Variants in PTPRA observed in about 807,000 individuals in gnomAD.
PTPRA encodes the protein protein tyrosine phosphatase receptor type A, also known as receptor-type tyrosine-protein phosphatase alpha.
In PTPRA, 25 loss-of-function variants were observed where a neutral mutation model predicts 104.8. The ratio of observed to expected loss-of-function variants is 0.24; its 90% confidence interval spans 0.17 to 0.33. The LOEUF is 0.33. Ranked by LOEUF, PTPRA falls within the 10% of genes least tolerant of loss-of-function variation. The probability of loss-of-function intolerance (pLI) is 1.00; values close to 1 mark genes in which losing one functional copy is unlikely to be tolerated. For synonymous variants in PTPRA, 323 were observed against 368.9 expected (o/e 0.88, Z 1.43); for missense variants, 765 against 1,015.3 (o/e 0.75, Z 3.35).
chr20:3,036,384 C>T (rs890636998), intron 22 of PTPRA, among the ~76,000 whole-genome samples: 1 of 152,228 alleles, frequency 6.6e-6, no homozygotes, highest in African/African-American at 2.4e-5. Context: ...CACTCCTTTA[C>T]TTAGAATCCT....
At chr20:2,927,461 T>G (rs537926976) in intron 2 of PTPRA, among the ~76,000 whole-genome samples, 10 of 152,316 alleles carry the variant, frequency 6.6e-5, no homozygotes, top group African/African-American at 2.4e-4. Context: ...TCTATTTGCC[T>G]GTTATTATAG....
intron 3 of PTPRA, among the ~76,000 whole-genome samples, chr20:2,956,375 G>A (rs1364834473): frequency 6.6e-6 from 1 of 152,122 alleles, no homozygotes; most frequent in African/African-American, 2.4e-5. Flanking sequence ...GAGCCTCATT[G>A]TGTGCATTTC....
intron 11 of PTPRA, among the ~76,000 whole-genome samples, chr20:3,013,353 T>G (rs1487083525): frequency 6.6e-6 from 1 of 152,034 alleles, no homozygotes; most frequent in Admixed American, 6.5e-5. Flanking sequence ...CAGGTGGGCT[T>G]CCAGCCTAGA....
At chr20:2,885,109 C>A (rs1600056999) in intron 1 of PTPRA, among the ~76,000 whole-genome samples, 1 of 152,252 alleles carries the variant, frequency 6.6e-6, no homozygotes, top group Non-Finnish European at 1.5e-5. Context: ...TTTGAGGAAC[C>A]ACTGACTTTG....
At chr20:2,914,874 T>C (rs1205912253) in intron 1 of PTPRA, among the ~76,000 whole-genome samples, 1 of 152,180 alleles carries the variant, frequency 6.6e-6, no homozygotes, top group East Asian at 1.9e-4. Context: ...GGTAAAACAT[T>C]TGAGTCGCTA....
chr20:2,909,815 G>GATAAT (rs1369090852), intron 1 of PTPRA, among the ~76,000 whole-genome samples: 3 of 115,408 alleles, frequency 2.6e-5, no homozygotes, highest in African/African-American at 3.8e-5. Flanking sequence ...TATAATATAA[G>GATAAT]ATAATATATA....
At chr20:2,927,169 A>G (rs1863535575) in intron 2 of PTPRA, among the ~76,000 whole-genome samples, 1 of 152,028 alleles carries the variant, frequency 6.6e-6, no homozygotes, top group Admixed American at 6.6e-5. Context: ...CAGCCTCCCA[A>G]AGTGCTGGGA....
At chr20:2,942,794 CATATA>C (rs1399875707) in intron 2 of PTPRA, among the ~76,000 whole-genome samples, 7 of 151,476 alleles carry the variant, frequency 4.6e-5, no homozygotes, top group South Asian at 2.1e-4. Context: ...CTTAATATGA[CATATA>C]ATATAATTAC....
chr20:3,018,060 G>T (rs931902163), intron 13 of PTPRA, 147 bp downstream of exon 13: 6 of 687,030 alleles, frequency 8.7e-6, no homozygotes, highest in Non-Finnish European at 1.5e-5. Flanking sequence ...CTTTGCTATG[G>T]CCTGGAAGCC....
chr20:3,022,369 T>G lies in PTPRA; in HGVS notation c.1328+149T>G, dbSNP rs1366076930. 2 of 1,081,802 alleles carry G rather than the reference T, an allele frequency of 1.8e-6. No individual in the cohort carries two copies. Among genetic ancestry groups the G allele is most frequent in the Non-Finnish European group, 2.6e-6 (2 of 754,912 alleles). 67.0% of individuals were successfully genotyped at this position (1,081,802 alleles called of 1,614,324 possible). ...AGCGCAACAGCCAGAGACTCCAAGT[T>G]CTAGTGCAGGGTGGAGAATATGACT... On this transcript the variant is annotated intron_variant, in intron 15 of 23. Coordinates refer to ENST00000399903, the MANE Select transcript of PTPRA (RefSeq NM_001385305.1). The surrounding 1 kb of genome is among the most constrained non-coding windows in gnomAD (Gnocchi z 4.6).
chr20:2,986,685 C>A lies in PTPRA; in HGVS notation c.443-80C>A, dbSNP rs867650116. On this transcript the variant is annotated intron_variant, in intron 6 of 23. Coordinates refer to ENST00000399903, the MANE Select transcript of PTPRA (RefSeq NM_001385305.1). ...AAGGACTGAATGAGCTCTTCCTCTT[C>A]AGGGTGTTGCCCTGAATGGCTGACT... 3.5e-5 allele frequency: 43 copies of A among 1,221,936 alleles called. 1 individual carries two copies. The Middle Eastern group carries it at 4.3e-3, about 123-fold the overall frequency. 75.7% of individuals were successfully genotyped at this position (1,221,936 alleles called of 1,614,324 possible).
intron 1 of PTPRA, among the ~76,000 whole-genome samples, chr20:2,878,532 C>G (rs961175382): frequency 1.3e-5 from 2 of 152,204 alleles, no homozygotes; most frequent in African/African-American, 4.8e-5. Flanking sequence ...TGGTGCAATC[C>G]TTTTTATTCT....
At chr20:2,887,114 A>G (rs1190591523) in intron 1 of PTPRA, among the ~76,000 whole-genome samples, 2 of 152,200 alleles carry the variant, frequency 1.3e-5, no homozygotes, top group African/African-American at 4.8e-5. Flanking sequence ...GCTCTATAAT[A>G]TATTAAAATG....
At chr20:3,019,020 G>A (rs563570184) in intron 13 of PTPRA, among the ~76,000 whole-genome samples, 3 of 138,956 alleles carry the variant, frequency 2.2e-5, no homozygotes, top group African/African-American at 2.7e-5. Context: ...GCAGCTGGCC[G>A]GGCGGGGGGG....
At chr20:2,973,982 C>A (rs187214047) in intron 5 of PTPRA, among the ~76,000 whole-genome samples, 4 of 143,746 alleles carry the variant, frequency 2.8e-5, no homozygotes, top group African/African-American at 1.0e-4. Flanking sequence ...GATGGAGTCT[C>A]GCTCTGTTGC....
At chr20:2,910,578 G>GTTTCTTTTT (rs1337126801) in intron 1 of PTPRA, among the ~76,000 whole-genome samples, 10 of 32,414 alleles carry the variant, frequency 3.1e-4, no homozygotes, top group South Asian at 3.2e-3. Flanking sequence ...TGCCCAGCTA[G>GTTTCTTTTT]TTTTTTTTTT....
intron 2 of PTPRA, among the ~76,000 whole-genome samples, chr20:2,946,483 G>A (rs2061135677): frequency 6.6e-6 from 1 of 152,160 alleles, no homozygotes; most frequent in Admixed American, 6.6e-5. Flanking sequence ...ACTATGTCAA[G>A]TTTCTTCGTA....
At chr20:2,868,310 C>CTTTTTTTTTT in the PTPRA span, among the ~76,000 whole-genome samples, 322 of 104,100 alleles carry the variant, frequency 3.1e-3, 15 homozygotes, top group East Asian at 0.027. Context: ...GACTCCACCT[C>CTTTTTTTTTT]TTTTTTTTTT....
chr20:3,020,202 G>GGCGGAGCATCTC (rs1249039547), intron 13 of PTPRA, among the ~76,000 whole-genome samples: 229 of 152,254 alleles, frequency 1.5e-3, no homozygotes, highest in African/African-American at 5.1e-3. Flanking sequence ...TCCGCCTCCC[G>GGCGGAGCATCTC]GGTTCACACC....
Sources: gnomAD v4.1 joint callset for allele counts (sites outside exome capture counted in the v4.1 genomes callset) on GRCh38, gnomAD v4.1.1 for gene constraint, Gnocchi (gnomAD v3.1) non-coding constraint, MANE v1.5 for transcripts, NCBI Gene and HGNC (gene_info 2026-07-23, HGNC 2026-07-21) for gene names.